ARNT2: variants seen among roughly 807,000 people sequenced by gnomAD.
ARNT2 encodes aryl hydrocarbon receptor nuclear translocator 2.
A neutral mutation model predicts 91.7 loss-of-function variants in ARNT2; 36 were observed. That is an observed-to-expected ratio of 0.39 (90% CI 0.30 to 0.52). ARNT2 has a LOEUF of 0.52. Ranked by LOEUF, ARNT2 falls within the 20% of genes least tolerant of loss-of-function variation. The pLI, the probability that ARNT2 is intolerant of heterozygous loss-of-function variation, is 0.72. For synonymous variants in ARNT2, 365 were observed against 347.1 expected, an observed-to-expected ratio of 1.05 and a Z score of -0.57; for missense variants, 775 against 939.3, an observed-to-expected ratio of 0.83 and a Z score of 2.29.
At chr15:80,578,545 A>C (rs1270286103) in intron 15 of ARNT2, among the ~76,000 whole-genome samples, 6 of 149,632 alleles carry the variant, frequency 4.0e-5, no homozygotes, top group African/African-American at 1.5e-4. Context: ...CTTTGGGAGA[A>C]GAGTGAAGCT....
At chr15:80,536,529 A>T (rs1240379663) in intron 8 of ARNT2, among the ~76,000 whole-genome samples, 2 of 152,174 alleles carry the variant, frequency 1.3e-5, no homozygotes, top group African/African-American at 4.8e-5. Flanking sequence ...ACAGCTGCTG[A>T]TATTCACCCG....
intron 8 of ARNT2, among the ~76,000 whole-genome samples, chr15:80,548,676 A>T (rs1451418027): frequency 2.0e-5 from 3 of 152,164 alleles, no homozygotes; most frequent in Admixed American, 6.5e-5. Context: ...TTAAATACTT[A>T]GGAATAATTT....
At chr15:80,520,906 C>T (rs1374088289) in intron 8 of ARNT2, among the ~76,000 whole-genome samples, 1 of 152,136 alleles carries the variant, frequency 6.6e-6, no homozygotes. Context: ...AAGTATCTTG[C>T]TTTTATTATT....
chr15:80,447,737 T>G (rs573517543), intron 1 of ARNT2, among the ~76,000 whole-genome samples: 34 of 152,332 alleles, frequency 2.2e-4, no homozygotes, highest in African/African-American at 7.9e-4. Flanking sequence ...GAGAGACTTG[T>G]TTTTTCACTT....
At chr15:80,447,337 C>G (rs1353596526) in intron 1 of ARNT2, among the ~76,000 whole-genome samples, 1 of 152,218 alleles carries the variant, frequency 6.6e-6, no homozygotes, top group Non-Finnish European at 1.5e-5. Context: ...TGAATACCCA[C>G]AGCTGCAGGG....
chr15:80,490,528 G>T lies in ARNT2; in HGVS notation c.622+15305G>T, dbSNP rs143751357. Among the ~76,000 whole-genome samples, 231 of 152,332 alleles carry T rather than the reference G, an allele frequency of 1.5e-3. 3 individuals are homozygous for T. In the East Asian group the frequency reaches 0.019, roughly 13 times the overall value. ...GGAAGAAAGCCTGTTGGTGGAGCTGGCTGCAGGCTGGCCACCAGAGCAGCT... is the reference window on the plus strand; with the variant it reads ...GGAAGAAAGCCTGTTGGTGGAGCTGTCTGCAGGCTGGCCACCAGAGCAGCT... On this transcript the variant is annotated intron_variant, in intron 5 of 18. Coordinates refer to ENST00000303329, the MANE Select transcript of ARNT2 (RefSeq NM_014862.4).
At chr15:80,456,286 TTTC>T (rs1007795027) in intron 2 of ARNT2, among the ~76,000 whole-genome samples, 7 of 152,128 alleles carry the variant, frequency 4.6e-5, no homozygotes, top group African/African-American at 1.7e-4. Flanking sequence ...ACTTTTTTTT[TTTC>T]TTATCACTGT....
chr15:80,510,221 G>A (rs964987361), intron 6 of ARNT2, among the ~76,000 whole-genome samples: 1 of 152,166 alleles, frequency 6.6e-6, no homozygotes, highest in African/African-American at 2.4e-5. Context: ...TGCCCACTCA[G>A]TCGGAAAAAC....
intron 5 of ARNT2, among the ~76,000 whole-genome samples, chr15:80,484,157 T>C (rs948832871): frequency 2.6e-5 from 4 of 151,638 alleles, no homozygotes; most frequent in African/African-American, 9.7e-5. Flanking sequence ...TTTCTTGCTA[T>C]ATTAGGTAAC....
chr15:80,558,334 T>C (rs1389347023), intron 11 of ARNT2, among the ~76,000 whole-genome samples: 1 of 58,926 alleles, frequency 1.7e-5, no homozygotes, highest in African/African-American at 8.1e-5. Flanking sequence ...ACGTCTGTGC[T>C]TTTTTTTTTT....
intron 2 of ARNT2, among the ~76,000 whole-genome samples, chr15:80,456,505 A>G (rs1896483945): frequency 1.3e-5 from 2 of 152,206 alleles, no homozygotes; most frequent in South Asian, 4.1e-4. Flanking sequence ...CGCAGTACAT[A>G]AAACAAAACA....
intron 1 of ARNT2, among the ~76,000 whole-genome samples, chr15:80,445,755 G>A (rs1490523908): frequency 6.6e-6 from 1 of 152,046 alleles, no homozygotes. Flanking sequence ...GGGACCACTG[G>A]AGGTCGGAAC....
rs373186882 is a variant in ARNT2, at chr15:80,597,279, G to A, written c.*3581G>A. 4.1e-5 allele frequency: 21 copies of A among 518,472 alleles called. No individual in the cohort carries two copies. Among genetic ancestry groups the A allele is most frequent in the African/African-American group, 2.3e-4 (12 of 51,900 alleles). 32.1% of individuals were successfully genotyped at this position (518,472 alleles called of 1,614,324 possible). On this transcript the variant is annotated 3_prime_UTR_variant, in exon 19 of 19. Coordinates refer to ENST00000303329, the MANE Select transcript of ARNT2 (RefSeq NM_014862.4). ...AGAATGTGAACGCTCACCTTGCTCC[G>A]TCACGGTTCTGACCTACCACATAAA...
chr15:80,525,478 C>T (rs949055783), intron 8 of ARNT2, among the ~76,000 whole-genome samples: 5 of 151,892 alleles, frequency 3.3e-5, no homozygotes, highest in African/African-American at 1.2e-4. Flanking sequence ...GTAGCTCAGA[C>T]CTGACAGATA....
intron 5 of ARNT2, among the ~76,000 whole-genome samples, chr15:80,479,443 G>A (rs1176304651): frequency 1.3e-5 from 2 of 152,200 alleles, no homozygotes; most frequent in African/African-American, 2.4e-5. Context: ...GAGAGAATGG[G>A]TGAAGCCTTA....
chr15:80,426,701 A>G (rs1270774845), intron 1 of ARNT2, among the ~76,000 whole-genome samples: 1 of 152,246 alleles, frequency 6.6e-6, no homozygotes, highest in East Asian at 1.9e-4. Context: ...AATTAAAAAT[A>G]TCCTTCTGGT....
rs567347705 is a variant in ARNT2 at position 80,536,169 on chromosome 15, G to T, written c.878-15030G>T. 5.9e-5 allele frequency among the ~76,000 whole-genome samples: 9 copies of T among 152,358 alleles called. 1 individual carries two copies. In the South Asian group the frequency reaches 1.9e-3, roughly 32 times the overall value. Reference sequence around the variant, plus strand: ...ACAGAGGCACGTGGAGTGAGGTTAAGAGCAGAGGTTTAACAGGCAAAAGAA... The same window carrying T: ...ACAGAGGCACGTGGAGTGAGGTTAATAGCAGAGGTTTAACAGGCAAAAGAA... On this transcript the variant is annotated intron_variant, in intron 8 of 18. Coordinates refer to ENST00000303329, the MANE Select transcript of ARNT2 (RefSeq NM_014862.4).
chr15:80,466,190 T>C (rs915824740), intron 3 of ARNT2, among the ~76,000 whole-genome samples: 4 of 152,222 alleles, frequency 2.6e-5, no homozygotes, highest in African/African-American at 4.8e-5. Flanking sequence ...AATTCTCCTT[T>C]CGTATTCTTT....
rs1364859704 is a variant in ARNT2 at position 80,414,222 on chromosome 15, G to A, written c.31+9676G>A. 2.0e-5 allele frequency among the ~76,000 whole-genome samples: 3 copies of A among 152,190 alleles called. No homozygotes were observed. In the East Asian group the frequency reaches 5.8e-4, roughly 29 times the overall value. ...TTTGCAATGTCTGGAAACATTCTTG[G>A]TTGCCACACCTCCAGGGAGTAGGGG... is the stretch of plus-strand genomic sequence containing the variant. On this transcript the variant is annotated intron_variant, in intron 1 of 18. Transcript: ENST00000303329.
Sources: gnomAD v4.1 joint callset for allele counts (sites outside exome capture counted in the v4.1 genomes callset) on GRCh38, gnomAD v4.1.1 for gene constraint, MANE v1.5 for transcripts, NCBI Gene and HGNC (gene_info 2026-07-23, HGNC 2026-07-21) for gene names.